Variants in HAPLN1 observed in about 807,000 individuals in gnomAD.
HAPLN1 encodes hyaluronan and proteoglycan link protein 1.
Under a neutral mutation model 36.5 loss-of-function variants are expected in HAPLN1, and 13 were observed. The observed-to-expected ratio is 0.36, with a 90% CI of 0.23 to 0.57. The LOEUF (loss-of-function observed/expected upper bound fraction) is 0.57. Among genes scored for constraint, HAPLN1 ranks in the 20% least tolerant of loss-of-function variants. The pLI is 0.83. For synonymous variants in HAPLN1, 202 were observed against 169.8 expected (o/e 1.19, Z -1.48); for missense variants, 407 against 439.7 (o/e 0.93, Z 0.66).
At chr5:83,689,414 C>T (rs1034395129) in intron 1 of HAPLN1, among the ~76,000 whole-genome samples, 1 of 151,948 alleles carries the variant, frequency 6.6e-6, no homozygotes, top group Non-Finnish European at 1.5e-5. Context: ...ATATAGGCAG[C>T]TACATAAATG....
intron 1 of HAPLN1, among the ~76,000 whole-genome samples, chr5:83,675,545 G>A (rs965975209): frequency 9.2e-5 from 14 of 152,098 alleles, no homozygotes; most frequent in East Asian, 5.8e-4. Context: ...CAACCATCTT[G>A]AATTTCATTC....
rs1364391818 is a variant in HAPLN1 at position 83,639,861 on chromosome 5, G to A, written c.*1635C>T. The A allele has an allele frequency of 6.6e-6, 1 of 151,976 alleles. No homozygotes were observed. The highest frequency in any genetic ancestry group is 6.6e-5 in the Admixed American group (1 of 15,260). The allele number at this position is 151,976 out of a possible 1,614,324, so 9.4% of individuals were successfully genotyped here. ...GGACCTACTTTTATTACAATATTTTGTCTGAATAATATATGATTATAGTTA... is the reference window on the plus strand; with the variant it reads ...GGACCTACTTTTATTACAATATTTTATCTGAATAATATATGATTATAGTTA... On this transcript the variant is annotated 3_prime_UTR_variant, in exon 5 of 5. Coordinates refer to ENST00000274341, the MANE Select transcript of HAPLN1 (RefSeq NM_001884.4).
chr5:83,667,886 G>A (rs1193537070), intron 2 of HAPLN1, among the ~76,000 whole-genome samples: 2 of 152,166 alleles, frequency 1.3e-5, no homozygotes, highest in Non-Finnish European at 2.9e-5. Context: ...TGTCTTTGGC[G>A]GACTCTCATG....
intron 1 of HAPLN1, among the ~76,000 whole-genome samples, chr5:83,699,112 C>T (rs1751452664): frequency 6.6e-6 from 1 of 151,998 alleles, no homozygotes; most frequent in Non-Finnish European, 1.5e-5. Flanking sequence ...AAAAAAGGTG[C>T]TAAGGCAGTA....
At chr5:83,689,410 G>A (rs747277572) in intron 1 of HAPLN1, among the ~76,000 whole-genome samples, 39 of 151,960 alleles carry the variant, frequency 2.6e-4, no homozygotes, top group Non-Finnish European at 5.4e-4. Flanking sequence ...GGAAATATAG[G>A]CAGCTACATA....
intron 1 of HAPLN1, among the ~76,000 whole-genome samples, chr5:83,716,243 AG>A (rs1257165575): frequency 6.6e-6 from 1 of 152,236 alleles, no homozygotes; most frequent in Non-Finnish European, 1.5e-5. Flanking sequence ...TGGATATTAT[AG>A]TAATTGGAAT....
chr5:83,710,859 GA>G (rs555717375), intron 1 of HAPLN1, among the ~76,000 whole-genome samples: 131 of 152,084 alleles, frequency 8.6e-4, no homozygotes, highest in African/African-American at 3.1e-3. Context: ...GGTGAGACAG[GA>G]AAACTGCTCG....
At chr5:83,683,175 G>A (rs191058296) in intron 1 of HAPLN1, among the ~76,000 whole-genome samples, 196 of 152,262 alleles carry the variant, frequency 1.3e-3, no homozygotes, top group African/African-American at 4.3e-3. Context: ...GGTATAAAAA[G>A]TCTCAGGTTT....
chr5:83,677,971 A>C (rs894965126), intron 1 of HAPLN1, among the ~76,000 whole-genome samples: 3 of 152,136 alleles, frequency 2.0e-5, no homozygotes, highest in Non-Finnish European at 2.9e-5. Flanking sequence ...TGGGCCCCTG[A>C]TACACTGAAT....
chr5:83,700,938 G>A (rs1447434297), intron 1 of HAPLN1, among the ~76,000 whole-genome samples: 1 of 152,132 alleles, frequency 6.6e-6, no homozygotes, highest in Non-Finnish European at 1.5e-5. Context: ...TGGTGCACTA[G>A]CTATTAGTTT....
At chr5:83,646,571 G>A (rs1241104999) in intron 3 of HAPLN1, among the ~76,000 whole-genome samples, 1 of 152,196 alleles carries the variant, frequency 6.6e-6, no homozygotes, top group Non-Finnish European at 1.5e-5. Flanking sequence ...TCCATGAAAG[G>A]CAGAGACCCA....
At chr5:83,668,987 T>C in intron 2 of HAPLN1, among the ~76,000 whole-genome samples, 1 of 152,214 alleles carries the variant, frequency 6.6e-6, no homozygotes, top group East Asian at 1.9e-4. Context: ...CCTTATTAAG[T>C]AAATCTACTT....
At chr5:83,708,785 A>G (rs1751708494) in intron 1 of HAPLN1, among the ~76,000 whole-genome samples, 1 of 152,128 alleles carries the variant, frequency 6.6e-6, no homozygotes, top group African/African-American at 2.4e-5. Flanking sequence ...GCTACATTAA[A>G]AATATTTACA....
At chr5:83,661,941 C>G (rs1311178583) in intron 2 of HAPLN1, among the ~76,000 whole-genome samples, 1 of 152,214 alleles carries the variant, frequency 6.6e-6, no homozygotes, top group Non-Finnish European at 1.5e-5. Flanking sequence ...GCCAATCTGC[C>G]TGAATTTAAT....
In HAPLN1 at chr5:83,680,181, T is replaced by A. The variant is rs563463642; in HGVS notation, c.-26-6632A>T. 5.3e-5 allele frequency among the ~76,000 whole-genome samples: 8 copies of A among 152,288 alleles called. No individual in the cohort carries two copies. In the South Asian group the frequency reaches 1.5e-3, roughly 28 times the overall value. On this transcript the variant is annotated intron_variant, in intron 1 of 4. Coordinates refer to ENST00000274341, the MANE Select transcript of HAPLN1 (RefSeq NM_001884.4). Reference sequence around the variant, plus strand: ...CTGGCCCCTTAGAACCTGCTTTAGGTAATGCTTGAGATGGGGGTTAGACTT... The same window carrying A: ...CTGGCCCCTTAGAACCTGCTTTAGGAAATGCTTGAGATGGGGGTTAGACTT...
chr5:83,696,460 A>C (rs1391682735), intron 1 of HAPLN1, among the ~76,000 whole-genome samples: 1 of 152,154 alleles, frequency 6.6e-6, no homozygotes, highest in Non-Finnish European at 1.5e-5. Context: ...TTAGAAAAGG[A>C]ATTTACAAAA....
chr5:83,672,816 T>C (rs1293169895), intron 2 of HAPLN1, among the ~76,000 whole-genome samples: 2 of 152,330 alleles, frequency 1.3e-5, no homozygotes, highest in African/African-American at 2.4e-5. Context: ...ATGCAGGATG[T>C]CCCTCATCTG....
At chr5:83,645,025 A>G (rs932632443) in intron 3 of HAPLN1, among the ~76,000 whole-genome samples, 1 of 152,188 alleles carries the variant, frequency 6.6e-6, no homozygotes, top group Non-Finnish European at 1.5e-5. Flanking sequence ...ATGGGTTACT[A>G]CTGAGCTCTG....
At chr5:83,702,901 G>A (rs1751543730) in intron 1 of HAPLN1, among the ~76,000 whole-genome samples, 1 of 152,122 alleles carries the variant, frequency 6.6e-6, no homozygotes, top group Non-Finnish European at 1.5e-5. Context: ...TAGTAGAGAT[G>A]GGGTTTTGCC....
Sources: gnomAD v4.1 joint callset for allele counts (sites outside exome capture counted in the v4.1 genomes callset) on GRCh38, gnomAD v4.1.1 for gene constraint, MANE v1.5 for transcripts, NCBI Gene and HGNC (gene_info 2026-07-23, HGNC 2026-07-21) for gene names.